Variants in TMEM108 observed in about 807,000 individuals in gnomAD.
TMEM108 encodes transmembrane protein 108.
Under a neutral mutation model 35.1 loss-of-function variants are expected in TMEM108, and 12 were observed. That is an observed-to-expected ratio of 0.34 (90% confidence interval 0.22 to 0.55). TMEM108 has a LOEUF of 0.55. Among genes scored for constraint, TMEM108 ranks in the 20% least tolerant of loss-of-function variants. TMEM108 has a pLI of 0.89. For missense variants in TMEM108, 680 were observed against 753.3 expected (o/e 0.90, Z 1.14); for synonymous variants, 287 against 308.6 (o/e 0.93, Z 0.73).
intron 3 of TMEM108, among the ~76,000 whole-genome samples, chr3:133,244,664 A>T (rs1004513427): frequency 4.6e-5 from 7 of 152,216 alleles, no homozygotes; most frequent in Non-Finnish European, 8.8e-5. Context: ...ATGTTTTGCC[A>T]CAGAAGAAAC....
intron 2 of TMEM108, 116 bp downstream of exon 2, chr3:133,046,136 C>T (rs911312297): frequency 6.6e-6 from 1 of 152,618 alleles, no homozygotes; most frequent in African/African-American, 2.4e-5. Flanking sequence ...TGAAAGGCTC[C>T]TAAAAGCCTT....
intron 2 of TMEM108, among the ~76,000 whole-genome samples, chr3:133,162,440 C>T (rs539117657): frequency 2.0e-5 from 3 of 152,164 alleles, no homozygotes; most frequent in Non-Finnish European, 4.4e-5. Context: ...GAAAAATGCT[C>T]TCATTACACA....
chr3:133,115,647 T>C (rs1944279204), intron 2 of TMEM108, among the ~76,000 whole-genome samples: 1 of 152,252 alleles, frequency 6.6e-6, no homozygotes, highest in Non-Finnish European at 1.5e-5. Flanking sequence ...GCCATGCCTC[T>C]AGGCAGTTTT....
At chr3:133,302,594 G>A (rs1007050830) in intron 3 of TMEM108, among the ~76,000 whole-genome samples, 18 of 151,480 alleles carry the variant, frequency 1.2e-4, no homozygotes, top group African/African-American at 4.4e-4. Flanking sequence ...GCTAATTTTT[G>A]TATTTTTAGT....
chr3:133,227,261 C>T (rs1376993376), intron 2 of TMEM108, among the ~76,000 whole-genome samples: 3 of 137,184 alleles, frequency 2.2e-5, no homozygotes, highest in Non-Finnish European at 4.6e-5. Context: ...GGCGCAATCT[C>T]GGCTCACTGC....
chr3:133,169,377 A>G (rs1476808583), intron 2 of TMEM108, among the ~76,000 whole-genome samples: 1 of 152,218 alleles, frequency 6.6e-6, no homozygotes, highest in Non-Finnish European at 1.5e-5. Context: ...TAATTATTGT[A>G]AACAAAATCC....
intron 2 of TMEM108, among the ~76,000 whole-genome samples, chr3:133,209,331 T>C (rs749510078): frequency 2.4e-4 from 37 of 152,152 alleles, no homozygotes; most frequent in Non-Finnish European, 2.9e-4. Context: ...TGAGCCACCA[T>C]GCCTGCCCCA....
intron 3 of TMEM108, among the ~76,000 whole-genome samples, chr3:133,310,693 CTT>C (rs1559900659): frequency 6.6e-6 from 1 of 151,744 alleles, no homozygotes; most frequent in African/African-American, 2.4e-5. Context: ...CAGTCTGTGT[CTT>C]TTAATTGGGG....
chr3:133,164,039 A>C (rs576513196), intron 2 of TMEM108, among the ~76,000 whole-genome samples: 1 of 152,316 alleles, frequency 6.6e-6, no homozygotes, highest in South Asian at 2.1e-4. Flanking sequence ...ACTTCCTATC[A>C]AAGATACACA....
chr3:133,267,694 CA>C (rs56252827), intron 3 of TMEM108, among the ~76,000 whole-genome samples: 46,388 of 152,058 alleles, frequency 0.31, 7,787 homozygotes, highest in East Asian at 0.47. Context: ...GCAGGAGCTA[CA>C]GTTATCTGAA....
chr3:133,130,180 T>C (rs777780653), intron 2 of TMEM108, among the ~76,000 whole-genome samples: 1 of 152,196 alleles, frequency 6.6e-6, no homozygotes, highest in Non-Finnish European at 1.5e-5. Context: ...GGGCTTGTGG[T>C]TCTGTCTTTT....
At chr3:133,181,217 A>G (rs1407409960) in intron 2 of TMEM108, among the ~76,000 whole-genome samples, 1 of 152,100 alleles carries the variant, frequency 6.6e-6, no homozygotes, top group African/African-American at 2.4e-5. Context: ...TATCAGTAAA[A>G]GTATAGAGGA....
At chr3:133,302,333 C>T (rs571990136) in intron 3 of TMEM108, among the ~76,000 whole-genome samples, 1 of 152,136 alleles carries the variant, frequency 6.6e-6, no homozygotes, top group South Asian at 2.1e-4. Context: ...GGAATTTACA[C>T]CATTGGTGAA....
chr3:133,129,508 C>G (rs1944462132), intron 2 of TMEM108, among the ~76,000 whole-genome samples: 1 of 152,128 alleles, frequency 6.6e-6, no homozygotes, highest in Admixed American at 6.5e-5. Context: ...AGTAGCTGCT[C>G]TGGTTGGAGG....
At chr3:133,222,346 T>A (rs894455043) in intron 2 of TMEM108, among the ~76,000 whole-genome samples, 2 of 152,162 alleles carry the variant, frequency 1.3e-5, no homozygotes, top group Non-Finnish European at 2.9e-5. Context: ...GACCCAACAG[T>A]TCAATTATAA....
chr3:133,318,166 A>G (rs2071221846), intron 3 of TMEM108, among the ~76,000 whole-genome samples: 1 of 152,190 alleles, frequency 6.6e-6, no homozygotes, highest in South Asian at 2.1e-4. Context: ...TTGGATTTCA[A>G]ACTTTAAAAG....
intron 3 of TMEM108, among the ~76,000 whole-genome samples, chr3:133,273,654 CTG>C (rs1946801955): frequency 6.6e-6 from 1 of 152,154 alleles, no homozygotes; most frequent in South Asian, 2.1e-4. Flanking sequence ...AAATCAGATA[CTG>C]TGTTTTAAAA....
chr3:133,244,330 A>G (rs1009838557), intron 3 of TMEM108, among the ~76,000 whole-genome samples: 1 of 152,194 alleles, frequency 6.6e-6, no homozygotes, highest in Non-Finnish European at 1.5e-5. Flanking sequence ...TTCCATTGCT[A>G]GGACCTTGTT....
intron 2 of TMEM108, among the ~76,000 whole-genome samples, chr3:133,123,383 C>G (rs1182751826): frequency 1.3e-5 from 2 of 152,142 alleles, no homozygotes; most frequent in African/African-American, 2.4e-5. Context: ...AAGAGGGTGT[C>G]CGTTTTTAGC....
Sources: allele counts gnomAD v4.1 joint callset (sites outside exome capture counted in the v4.1 genomes callset), GRCh38; gene constraint gnomAD v4.1.1; transcripts MANE v1.5; gene names NCBI Gene and HGNC (gene_info 2026-07-23, HGNC 2026-07-21).